Variants in CEP164 observed in about 807,000 individuals in gnomAD.
The protein encoded by CEP164 is centrosomal protein of 164 kDa.
CEP164 carries 162 observed loss-of-function variants against 182.7 expected under a neutral mutation model. The observed-to-expected ratio is 0.89, with a 90% CI of 0.78 to 1.01. CEP164 has a LOEUF of 1.01. Ranked by LOEUF, CEP164 falls within the 50% of genes least tolerant of loss-of-function variation. CEP164 has a pLI of 0.00. For synonymous variants in CEP164, 661 were observed against 690.0 expected (o/e 0.96, Z 0.66); for missense variants, 1,735 against 1,790.4 (o/e 0.97, Z 0.56).
Position 117,395,594 on chromosome 11 carries a change from C to T in CEP164, c.2961C>T (p.His987=), listed in dbSNP as rs2045328256. 1 of 1,613,876 alleles carries T rather than the reference C, an allele frequency of 6.2e-7. No individual in the cohort carries two copies. Among genetic ancestry groups the T allele is most frequent in the Non-Finnish European group, 8.5e-7 (1 of 1,179,914 alleles). Residue 987 remains histidine (H), a synonymous_variant, in exon 24 of 33, where the codon CAC becomes CAT. Transcript: ENST00000278935. ...HQQLEEAQKE[H]THLLQSNQQL... ...AGCTGGAGGAGGCACAGAAGGAGCA[C>T]ACCCACCTGTTGCAGTCAAACCAGC...
chr11:117,405,522 CAGTT>C (rs1409935236), intron 27 of CEP164, among the ~76,000 whole-genome samples: 1 of 152,134 alleles, frequency 6.6e-6, no homozygotes, highest in Admixed American at 6.5e-5. Context: ...CTGGGTACCT[CAGTT>C]AGAAATGCAG....
chr11:117,336,910 T>C (rs520315), intron 2 of CEP164, among the ~76,000 whole-genome samples: 38,706 of 151,518 alleles, frequency 0.26, 5,078 homozygotes, highest in Admixed American at 0.31. Flanking sequence ...CCCAGGCGAC[T>C]TCCTTCATCA....
At chr11:117,355,232 G>C in intron 5 of CEP164, 3 of 1,289,852 alleles carry the variant, frequency 2.3e-6, no homozygotes, top group Non-Finnish European at 3.0e-6. Flanking sequence ...GAGAGAATTA[G>C]GTGATCAGCA....
At chr11:117,371,540 T>C in intron 9 of CEP164, 74 bp downstream of exon 9, 3 of 1,502,406 alleles carry the variant, frequency 2.0e-6, no homozygotes, top group Non-Finnish European at 2.7e-6. Context: ...GGCAGGGTCC[T>C]ATCCCCACAT....
In CEP164 at chr11:117,409,638, ACCT is replaced by A. The variant is rs752854208; in HGVS notation, c.3772_3774del (p.Ser1258del). On this transcript the variant is annotated inframe_deletion, in exon 30 of 33. Transcript: ENST00000278935. The surrounding 1 kb of genome is among the most constrained non-coding windows in gnomAD (Gnocchi z 4.4). ...TTCAGTCGACTCAACCCCGAGTCTC[ACCT>A]CCCGCAAGATCCACGGGCTTAGCCA... 26 of 1,607,748 alleles carry A rather than the reference ACCT, an allele frequency of 1.6e-5. No individual in the cohort carries two copies. In the Admixed American group the frequency reaches 4.3e-4, roughly 27 times the overall value.
In CEP164 at chr11:117,371,253, A is replaced by G. The variant is rs957415838; in HGVS notation, c.939A>G (p.Lys313=). 4 of 1,614,210 alleles carry G rather than the reference A, an allele frequency of 2.5e-6. No individual in the cohort carries two copies. Among genetic ancestry groups the G allele is most frequent in the Admixed American group, 1.7e-5 (1 of 60,026 alleles). ...GSGARPGLPE[K]EENEKSEPKI... ...GAGCAAGACCTGGTCTTCCAGAAAA[A>G]GAGGAAAATGAGAAGAGTGAACCTA... The change falls in exon 9 of 33, where the codon AAA becomes AAG. Residue 313 remains lysine (K), a synonymous_variant. Transcript: ENST00000278935.
chr11:117,326,792 T>G (rs909945924), upstream of CEP164, among the ~76,000 whole-genome samples: 1 of 152,194 alleles, frequency 6.6e-6, no homozygotes, highest in Admixed American at 6.5e-5. Context: ...CTAGAACCTA[T>G]CAGGAGCGGC....
In CEP164 at chr11:117,388,218, G is replaced by C. The variant is rs11602035; in HGVS notation, c.1934+806G>C. On this transcript the variant is annotated intron_variant, in intron 15 of 32. Coordinates refer to ENST00000278935, the MANE Select transcript of CEP164 (RefSeq NM_014956.5). ...CCCTCTTGCTGGCCACCCTGAGCTT[G>C]GCTGACTGTGCTTTCCATCTCTCTC... Among the ~76,000 whole-genome samples, 995 of 152,266 alleles carry C rather than the reference G, an allele frequency of 6.5e-3. 13 individuals carry two copies. The highest frequency in any genetic ancestry group is 0.021 in the African/African-American group (862 of 41,532).
chr11:117,367,172 G>T (rs1285513514), intron 8 of CEP164, among the ~76,000 whole-genome samples: 2 of 152,328 alleles, frequency 1.3e-5, no homozygotes, highest in East Asian at 1.9e-4. Flanking sequence ...AGGAGACAAG[G>T]GGGCAGGGGC....
intron 8 of CEP164, among the ~76,000 whole-genome samples, chr11:117,365,493 T>C (rs1041944236): frequency 1.7e-4 from 26 of 152,340 alleles, no homozygotes; most frequent in African/African-American, 6.0e-4. Flanking sequence ...ACTTTGACCT[T>C]GGGCTTGTTA....
chr11:117,409,677 C>G lies in CEP164; in HGVS notation c.3808C>G (p.Gln1270Glu). ...KIHGLSHSLR[Q>E]ISSQLSSVLS... ...CCACGGGCTTAGCCACTCCCTCCGG[C>G]AGATCAGCAGCCAGCTGAGCAGTGT... The change falls in exon 30 of 33, where the codon CAG becomes GAG. Residue 1270 changes from glutamine (Q) to glutamate (E), a missense_variant. By Grantham distance (29) the Gln-to-Glu change is conservative. Transcript: ENST00000278935. The surrounding 1 kb of genome is among the most constrained non-coding windows in gnomAD (Gnocchi z 4.4). 6.2e-7 allele frequency: 1 copy of G among 1,614,128 alleles called. No individual in the cohort carries two copies. Among genetic ancestry groups the G allele is most frequent in the Non-Finnish European group, 8.5e-7 (1 of 1,179,988 alleles).
intron 9 of CEP164, among the ~76,000 whole-genome samples, chr11:117,371,823 G>GAC (rs2135928504): frequency 7.1e-6 from 1 of 139,964 alleles, no homozygotes; most frequent in South Asian, 2.2e-4. Context: ...GTTGTTTTGA[G>GAC]ACAGGGTCTT....
intron 24 of CEP164, 118 bp downstream of exon 24, chr11:117,395,840 G>A (rs1024678675): frequency 7.7e-7 from 1 of 1,299,726 alleles, no homozygotes; most frequent in African/African-American, 1.5e-5. Flanking sequence ...TTGGGAGCTA[G>A]GCAGAAGAGC....
chr11:117,350,349 G>A (rs1044568915), intron 4 of CEP164, among the ~76,000 whole-genome samples: 5 of 152,042 alleles, frequency 3.3e-5, no homozygotes, highest in Non-Finnish European at 2.9e-5. Flanking sequence ...GACTACAGAC[G>A]TGTGTCACTG....
intron 12 of CEP164, 73 bp from the exon 13 acceptor site, chr11:117,381,628 C>T: frequency 6.6e-7 from 1 of 1,503,912 alleles, no homozygotes; most frequent in Non-Finnish European, 8.9e-7. Context: ...GGTCCACACA[C>T]TGTACTCCCC....
chr11:117,362,438 A>G lies in CEP164; in HGVS notation c.587A>G (p.Lys196Arg). The G allele has an allele frequency of 6.2e-7, 1 of 1,613,744 alleles. No individual in the cohort carries two copies. The highest frequency in any genetic ancestry group is 1.7e-5 in the Admixed American group (1 of 60,004). ...GGTCTCAAGACCTCTGCTTATACAAAGGGTCTCTTGGGCTCCATATATGAG... is the reference window on the plus strand; with the variant it reads ...GGTCTCAAGACCTCTGCTTATACAAGGGGTCTCTTGGGCTCCATATATGAG... ...SQGLKTSAYTKGLLGSIYEDK... is the reference protein window; with the variant it reads ...SQGLKTSAYTRGLLGSIYEDK... Residue 196 changes from lysine (K) to arginine (R), a missense_variant, in exon 7 of 33, where the codon AAG becomes AGG. Lys to Arg is a conservative substitution (Grantham distance 26). Transcript: ENST00000278935.
At chr11:117,354,776 T>G (rs2040114428) in intron 5 of CEP164, among the ~76,000 whole-genome samples, 1 of 150,574 alleles carries the variant, frequency 6.6e-6, no homozygotes, top group African/African-American at 2.4e-5. Flanking sequence ...TTTTATTTAT[T>G]TATTTATTTA....
At position 117,395,195 on chromosome 11, in the gene CEP164, T is replaced by C; in HGVS notation, c.2913+4T>C. 1 of 1,613,366 alleles carries C rather than the reference T, an allele frequency of 6.2e-7. No homozygotes were observed. The highest frequency in any genetic ancestry group is 8.5e-7 in the Non-Finnish European group (1 of 1,179,872). On this transcript the variant is annotated splice_donor_region_variant and intron_variant, in intron 23 of 32. Transcript: ENST00000278935. ...GCAGGTTGCTCTGAAGAGTGAGGTT[T>C]GTCTCCCTGTTTTGTCCTCCCTCCT...
intron 5 of CEP164, among the ~76,000 whole-genome samples, chr11:117,358,298 C>T (rs928442258): frequency 1.3e-5 from 2 of 152,136 alleles, no homozygotes; most frequent in East Asian, 3.9e-4. Context: ...CCACTAATCG[C>T]TGATTTGGTC....
Sources: gnomAD v4.1 joint callset for allele counts (sites outside exome capture counted in the v4.1 genomes callset) on GRCh38, gnomAD v4.1.1 for gene constraint, Gnocchi (gnomAD v3.1) non-coding constraint, MANE v1.5 for transcripts, NCBI Gene and HGNC (gene_info 2026-07-23, HGNC 2026-07-21) for gene names.